The following ERBB4 variants were observed in gnomAD, a reference collection of about 807,000 sequenced individuals.
ERBB4 encodes the protein receptor tyrosine-protein kinase erbB-4.
In ERBB4, 42 loss-of-function variants were observed where a neutral mutation model predicts 158.0. That is an observed-to-expected ratio of 0.27 (90% CI 0.21 to 0.34). The LOEUF is 0.34. Among genes scored for constraint, ERBB4 ranks in the 10% least tolerant of loss-of-function variants. The pLI, the probability that ERBB4 is intolerant of heterozygous loss-of-function variation, is 1.00. For missense variants in ERBB4, 1,333 were observed against 1,624.1 expected, an observed-to-expected ratio of 0.82 and a Z score of 3.08; for synonymous variants, 583 against 558.7, an observed-to-expected ratio of 1.04 and a Z score of -0.61.
At chr2:212,496,727 A>G (rs1304789127) in intron 1 of ERBB4, among the ~76,000 whole-genome samples, 1 of 152,212 alleles carries the variant, frequency 6.6e-6, no homozygotes, top group Non-Finnish European at 1.5e-5. Context: ...CGTCAAGAGT[A>G]TCTATCTCTA....
At chr2:211,735,603 T>C (rs761631081) in intron 5 of ERBB4, among the ~76,000 whole-genome samples, 6 of 152,080 alleles carry the variant, frequency 3.9e-5, no homozygotes, top group African/African-American at 1.4e-4. Flanking sequence ...GTGATGATAA[T>C]GAAAACTAAG....
At chr2:212,286,432 T>C (rs2106163650) in intron 1 of ERBB4, among the ~76,000 whole-genome samples, 1 of 151,950 alleles carries the variant, frequency 6.6e-6, no homozygotes, top group Non-Finnish European at 1.5e-5. Flanking sequence ...TTCAGTAACT[T>C]TTTCAAAAAG....
chr2:212,362,039 TGA>T (rs2089707285), intron 1 of ERBB4, among the ~76,000 whole-genome samples: 1 of 151,656 alleles, frequency 6.6e-6, no homozygotes, highest in Admixed American at 6.6e-5. Flanking sequence ...TTTTTTTTAC[TGA>T]GGTTAGGTTA....
intron 1 of ERBB4, among the ~76,000 whole-genome samples, chr2:212,483,636 A>AT (rs1689823596): frequency 6.6e-6 from 1 of 152,142 alleles, no homozygotes; most frequent in Non-Finnish European, 1.5e-5. Context: ...GAATATCTTG[A>AT]TTTAGGCCTT....
intron 3 of ERBB4, among the ~76,000 whole-genome samples, chr2:211,856,498 G>C (rs1003503642): frequency 3.3e-5 from 5 of 151,836 alleles, no homozygotes; most frequent in African/African-American, 1.2e-4. Flanking sequence ...CCATTCTCCT[G>C]CCTCAGCCTC....
chr2:212,124,379 T>C lies in ERBB4; in HGVS notation c.234+373A>G, dbSNP rs1321219592. 2.6e-5 allele frequency among the ~76,000 whole-genome samples: 4 copies of C among 152,288 alleles called. No individual in the cohort carries two copies. The East Asian group carries it at 7.7e-4, about 29-fold the overall frequency. ...TATAAAATAATCTAAAAGTCTGAAG[T>C]GGCAGAAAAGAGGCAGAAATGGAGA... On this transcript the variant is annotated intron_variant, in intron 2 of 27. Coordinates refer to ENST00000342788, the MANE Select transcript of ERBB4 (RefSeq NM_005235.3).
Position 211,856,765 on chromosome 2 carries a change from T to A in ERBB4, c.422-68606A>T, listed in dbSNP as rs539453794. On this transcript the variant is annotated intron_variant, in intron 3 of 27. Coordinates refer to ENST00000342788, the MANE Select transcript of ERBB4 (RefSeq NM_005235.3). ...AGTAAGGCTATATTTCCATGGCTTA[T>A]CTCATTTCTTCCAGAATATTTAAAT... 1.9e-3 allele frequency among the ~76,000 whole-genome samples: 287 copies of A among 152,280 alleles called. 2 individuals carry two copies. Among genetic ancestry groups the A allele is most frequent in the African/African-American group, 6.7e-3 (280 of 41,562 alleles).
intron 1 of ERBB4, among the ~76,000 whole-genome samples, chr2:212,336,078 T>C (rs935095710): frequency 3.9e-5 from 6 of 151,954 alleles, no homozygotes; most frequent in Admixed American, 6.6e-5. Flanking sequence ...CTGGGGGAAC[T>C]GGGGGATACA....
At chr2:211,458,211 A>T (rs4673619) in intron 20 of ERBB4, among the ~76,000 whole-genome samples, 1 of 149,684 alleles carries the variant, frequency 6.7e-6, no homozygotes, top group Non-Finnish European at 1.5e-5. Flanking sequence ...CCTGGAAGAG[A>T]GGGGAGCTAG....
At chr2:211,693,731 A>G (rs751560354) in intron 12 of ERBB4, among the ~76,000 whole-genome samples, 2 of 152,220 alleles carry the variant, frequency 1.3e-5, no homozygotes, top group Non-Finnish European at 2.9e-5. Flanking sequence ...TAGTGTAACA[A>G]ACTGCCATAA....
intron 1 of ERBB4, among the ~76,000 whole-genome samples, chr2:212,344,837 T>C (rs755030951): frequency 2.0e-4 from 31 of 152,224 alleles, no homozygotes; most frequent in Non-Finnish European, 3.8e-4. Context: ...ATTTTGGCAA[T>C]TACCAGTTGT....
In ERBB4 at chr2:211,602,455, G is replaced by C. The variant is rs561403087; in HGVS notation, c.2301+16722C>G. 3.3e-5 allele frequency among the ~76,000 whole-genome samples: 5 copies of C among 152,132 alleles called. No homozygotes were observed. In the East Asian group the frequency reaches 9.7e-4, roughly 30 times the overall value. On this transcript the variant is annotated intron_variant, in intron 19 of 27. Coordinates refer to ENST00000342788, the MANE Select transcript of ERBB4 (RefSeq NM_005235.3). The stretch of plus-strand genomic sequence containing the variant: ...CACTTGTTCACCAGCCTGCAATCCA[G>C]AGGATGCTTACTGTTTGCTCAATAA...
intron 1 of ERBB4, among the ~76,000 whole-genome samples, chr2:212,312,149 G>C (rs908513744): frequency 6.6e-6 from 1 of 150,814 alleles, no homozygotes; most frequent in African/African-American, 2.4e-5. Flanking sequence ...TGTAACTGCA[G>C]GGGGAGAAAG....
At chr2:212,020,041 T>A (rs2125325804) in intron 2 of ERBB4, among the ~76,000 whole-genome samples, 1 of 152,212 alleles carries the variant, frequency 6.6e-6, no homozygotes, top group South Asian at 2.1e-4. Context: ...AAATGATTCT[T>A]ATGTAGATAC....
At chr2:211,942,676 C>T (rs918456060) in intron 3 of ERBB4, among the ~76,000 whole-genome samples, 1 of 152,060 alleles carries the variant, frequency 6.6e-6, no homozygotes, top group Non-Finnish European at 1.5e-5. Context: ...ATCCAGTACA[C>T]AGTTAACAAA....
chr2:212,280,956 G>A lies in ERBB4; in HGVS notation c.83-156053C>T, dbSNP rs749303338. 4.0e-5 allele frequency among the ~76,000 whole-genome samples: 6 copies of A among 151,584 alleles called. No homozygotes were observed. In the South Asian group the frequency reaches 6.2e-4, roughly 16 times the overall value. ...CCGAGGACTTGACACACTTGGTTTT[G>A]TACTGTCTATACTCCGTCTTTTGAC... On this transcript the variant is annotated intron_variant, in intron 1 of 27. Coordinates refer to ENST00000342788, the MANE Select transcript of ERBB4 (RefSeq NM_005235.3).
intron 3 of ERBB4, among the ~76,000 whole-genome samples, chr2:211,842,402 T>C (rs776672277): frequency 7.0e-6 from 1 of 142,698 alleles, no homozygotes; most frequent in African/African-American, 2.6e-5. Context: ...AGGTAACAAT[T>C]CATTCAAACT....
intron 1 of ERBB4, among the ~76,000 whole-genome samples, chr2:212,291,796 A>G (rs2086216872): frequency 6.6e-6 from 1 of 152,046 alleles, no homozygotes; most frequent in African/African-American, 2.4e-5. Context: ...TATATAGCAA[A>G]TTCCTGATAG....
intron 1 of ERBB4, among the ~76,000 whole-genome samples, chr2:212,354,885 A>C (rs2089407816): frequency 6.6e-6 from 1 of 151,742 alleles, no homozygotes; most frequent in Non-Finnish European, 1.5e-5. Flanking sequence ...TTTTATTTTC[A>C]GGAGGCCCCT....
Sources: allele counts gnomAD v4.1 joint callset (sites outside exome capture counted in the v4.1 genomes callset), GRCh38; gene constraint gnomAD v4.1.1; transcripts MANE v1.5; gene names NCBI Gene and HGNC (gene_info 2026-07-23, HGNC 2026-07-21).